CDK4: variants seen among roughly 807,000 people sequenced by gnomAD.
The protein encoded by CDK4 is cyclin dependent kinase 4.
Under a neutral mutation model 36.7 loss-of-function variants are expected in CDK4, and 13 were observed. That is an observed-to-expected ratio of 0.35 (90% CI 0.23 to 0.56). The LOEUF (loss-of-function observed/expected upper bound fraction) is 0.56. Ranked by LOEUF, CDK4 falls within the 20% of genes least tolerant of loss-of-function variation. The probability of loss-of-function intolerance (pLI) is 0.85; values close to 1 mark genes in which losing one functional copy is unlikely to be tolerated. For missense variants in CDK4, 285 were observed against 387.3 expected, an observed-to-expected ratio of 0.74 and a Z score of 2.22; for synonymous variants, 158 against 146.4, an observed-to-expected ratio of 1.08 and a Z score of -0.57.
Position 57,748,625 on chromosome 12 carries a change from G to A in CDK4, c.820-8C>T. 1 of 1,601,908 alleles carries A rather than the reference G, an allele frequency of 6.2e-7. No individual in the cohort carries two copies. The highest frequency in any genetic ancestry group is 2.2e-5 in the East Asian group (1 of 44,828). On this transcript the variant is annotated splice_polypyrimidine_tract_variant and splice_region_variant and intron_variant, in intron 7 of 7. Transcript: ENST00000257904. Reference sequence around the variant, plus strand: ...GTTAAAAGTCAGCATTTCCTGAGGGGAGAGGCAAAGGTCAGAAAACCATGA... The same window carrying A: ...GTTAAAAGTCAGCATTTCCTGAGGGAAGAGGCAAAGGTCAGAAAACCATGA...
Position 57,751,044 on chromosome 12 carries a change from T to C in CDK4, c.401A>G (p.Asn134Ser), listed in dbSNP as rs1595110530. The change falls in exon 4 of 8, where the codon AAT becomes AGT. Residue 134 changes from asparagine (N) to serine (S), a missense_variant. Physicochemically the swap from Asn to Ser is conservative, Grantham distance 46 (BLOSUM62 1). Coordinates refer to ENST00000257904, the MANE Select transcript of CDK4 (RefSeq NM_000075.4). This position sits in a 1 kb window ranked among gnomAD's most constrained non-coding sequence, Gnocchi z 4.5. ...FLRGLDFLHA[N>S]CIVHRDLKPE... ...CTTCAGATCTCGGTGAACGATGCAATTGGCATGAAGGAAATCTAGGCCTCT... is the reference window on the plus strand; with the variant it reads ...CTTCAGATCTCGGTGAACGATGCAACTGGCATGAAGGAAATCTAGGCCTCT... 6.2e-7 allele frequency: 1 copy of C among 1,614,094 alleles called. No individual in the cohort carries two copies. The highest frequency in any genetic ancestry group is 1.7e-5 in the Admixed American group (1 of 60,012).
intron 5 of CDK4, 147 bp downstream of exon 5, chr12:57,750,509 G>C (rs936559623): frequency 1.9e-5 from 14 of 718,840 alleles, no homozygotes; most frequent in Non-Finnish European, 3.6e-5. Flanking sequence ...TGAAGCTGCA[G>C]TGAGCTGTGA....
In CDK4 at chr12:57,750,882, C is replaced by T. The variant is rs2069502; in HGVS notation, c.522+41G>A. ...ATTGCTACGGGCAATCACTCTCCTA[C>T]TCCCAACCAGAACCCATTTTGGTAC... is the stretch of plus-strand genomic sequence containing the variant. On this transcript the variant is annotated intron_variant, in intron 4 of 7. Coordinates refer to ENST00000257904, the MANE Select transcript of CDK4 (RefSeq NM_000075.4). 533,075 of 1,611,988 alleles carry T rather than the reference C, an allele frequency of 0.33. 95,898 individuals carry two copies. The highest frequency in any genetic ancestry group is 0.7 in the East Asian group (31,228 of 44,866).
In CDK4 at chr12:57,748,219, A is replaced by AT. The variant is rs1955182063; in HGVS notation, c.*305dup. On this transcript the variant is annotated 3_prime_UTR_variant, in exon 8 of 8. Coordinates refer to ENST00000257904, the MANE Select transcript of CDK4 (RefSeq NM_000075.4). ...GGCAAAGCCAAACAGAGGAAGAAAC[A>AT]TTAAAAAAAAAAAAAAGACCATTAT... 1 of 386,970 alleles carries AT rather than the reference A, an allele frequency of 2.6e-6. No homozygotes were observed. Among genetic ancestry groups the AT allele is most frequent in the Non-Finnish European group, 4.8e-6 (1 of 210,074 alleles). 24.0% of individuals were successfully genotyped at this position (386,970 alleles called of 1,614,324 possible). A position where few individuals can be genotyped will look rare whatever the true frequency, so the allele number is the denominator to read the frequency against.
rs745772539 is a variant in CDK4 at position 57,750,745 on chromosome 12, T to G, written c.543A>C (p.Arg181=). The stretch of plus-strand genomic sequence containing the variant: ...TGGACTGCAGAAGAACTTCGGGAGC[T>G]CGGTACCAGAGTGTAACAACCTAAA... ...LTPVVVTLWY[R]APEVLLQSTY... is the part of the protein sequence containing the mutation. The change falls in exon 5 of 8, where the codon CGA becomes CGC. Residue 181 remains arginine (R), a synonymous_variant. Transcript: ENST00000257904. 7 of 1,614,022 alleles carry G rather than the reference T, an allele frequency of 4.3e-6. No individual in the cohort carries two copies. The highest frequency in any genetic ancestry group is 3.3e-4 in the Middle Eastern group (2 of 6,062).
chr12:57,751,345 G>T lies in CDK4; in HGVS notation c.219-3C>A. Reference sequence around the variant, plus strand: ...ATGTGGCACAGACGTCCATCAGCCTGACCAGAGTAAATGCTCACTTTTCAA... The same window carrying T: ...ATGTGGCACAGACGTCCATCAGCCTTACCAGAGTAAATGCTCACTTTTCAA... On this transcript the variant is annotated splice_polypyrimidine_tract_variant and splice_region_variant and intron_variant, in intron 2 of 7. Transcript: ENST00000257904. This position sits in a 1 kb window ranked among gnomAD's most constrained non-coding sequence, Gnocchi z 4.5. 6.2e-7 allele frequency: 1 copy of T among 1,613,948 alleles called. No individual in the cohort carries two copies. Among genetic ancestry groups the T allele is most frequent in the South Asian group, 1.1e-5 (1 of 91,040 alleles).
Position 57,748,632 on chromosome 12 carries a change from A to C in CDK4, c.820-15T>G, listed in dbSNP as rs1955188582. ...GTCAGCATTTCCTGAGGGGAGAGGC[A>C]AAGGTCAGAAAACCATGAAGAAAAC... On this transcript the variant is annotated splice_polypyrimidine_tract_variant and intron_variant, in intron 7 of 7. Coordinates refer to ENST00000257904, the MANE Select transcript of CDK4 (RefSeq NM_000075.4). 1.3e-6 allele frequency: 2 copies of C among 1,573,852 alleles called. No homozygotes were observed. Among genetic ancestry groups the C allele is most frequent in the Non-Finnish European group, 1.7e-6 (2 of 1,143,340 alleles).
intron 7 of CDK4, 44 bp downstream of exon 7, chr12:57,749,138 C>T (rs767251242): frequency 1.2e-6 from 2 of 1,613,172 alleles, no homozygotes; most frequent in Admixed American, 3.3e-5. Context: ...ATTTCTTTCC[C>T]CAGTCTCTAT....
At chr12:57,748,695 TTTC>T (rs768066271) in intron 7 of CDK4, 78 bp from the exon 8 acceptor site, 4 of 937,508 alleles carry the variant, frequency 4.3e-6, no homozygotes, top group Non-Finnish European at 6.8e-6. Context: ...TGGGATGAGC[TTTC>T]TTCTTTTTTC....
chr12:57,751,846 T>G lies in CDK4; in HGVS notation c.-19-110A>C. On this transcript the variant is annotated intron_variant, in intron 1 of 7. Coordinates refer to ENST00000257904, the MANE Select transcript of CDK4 (RefSeq NM_000075.4). The surrounding 1 kb of genome is among the most constrained non-coding windows in gnomAD (Gnocchi z 4.5). The stretch of plus-strand genomic sequence containing the variant: ...AAAAGCGCAAAGAACACCACCAGCA[T>G]CCCATCCCCCGCTCCCAGTCTTCCT... 1.3e-6 allele frequency: 1 copy of G among 750,050 alleles called. No homozygotes were observed. The highest frequency in any genetic ancestry group is 2.3e-6 in the Non-Finnish European group (1 of 437,696). 46.5% of individuals were successfully genotyped at this position (750,050 alleles called of 1,614,324 possible).
chr12:57,750,637 G>A lies in CDK4; in HGVS notation c.632+19C>T, dbSNP rs1027122710. On this transcript the variant is annotated intron_variant, in intron 5 of 7. Transcript: ENST00000257904. Reference sequence around the variant, plus strand: ...GATTTGGGGAATTCAAGGTAGTCCAGGGTATGTGGGTCCCATACTTTCGAC... The same window carrying A: ...GATTTGGGGAATTCAAGGTAGTCCAAGGTATGTGGGTCCCATACTTTCGAC... 1 of 1,501,788 alleles carries A rather than the reference G, an allele frequency of 6.7e-7. No individual in the cohort carries two copies. Among genetic ancestry groups the A allele is most frequent in the East Asian group, 2.3e-5 (1 of 44,340 alleles). The allele number at this position is 1,501,788 out of a possible 1,614,324, so 93.0% of individuals were successfully genotyped here. A position where few individuals can be genotyped will look rare whatever the true frequency, so the allele number is the denominator to read the frequency against.
Position 57,748,359 on chromosome 12 carries a change from C to G in CDK4, c.*166G>C. 1.4e-6 allele frequency: 1 copy of G among 709,918 alleles called. No homozygotes were observed. The highest frequency in any genetic ancestry group is 2.6e-6 in the Non-Finnish European group (1 of 385,066). 44.0% of individuals were successfully genotyped at this position (709,918 alleles called of 1,614,324 possible). ...AAATGGGAAGGAGAAGGAGAAGCCT[C>G]AAAAGGAGAGGTGGGAGGGGAATGT... On this transcript the variant is annotated 3_prime_UTR_variant, in exon 8 of 8. Coordinates refer to ENST00000257904, the MANE Select transcript of CDK4 (RefSeq NM_000075.4).
At position 57,749,249 on chromosome 12, in the gene CDK4, G is replaced by T. The variant is rs143670820; in HGVS notation, c.752C>A (p.Pro251His). ...CGACTGCACTGGGCGGGGCCCTCTG[G>T]GGGGAAAGGCTCCACGGGGCAGGGA... The part of the protein sequence containing the change: ...DVSLPRGAFP[P>H]RGPRPVQSVV... The change falls in exon 7 of 8, where the codon CCC (proline) becomes CAC (histidine). Residue 251 changes from proline (P) to histidine (H), a missense_variant. Transcript: ENST00000257904. 1.1e-5 allele frequency: 17 copies of T among 1,613,988 alleles called. No individual in the cohort carries two copies. In the African/African-American group the frequency reaches 2.1e-4, roughly 20 times the overall value.
chr12:57,748,402 A>C lies in CDK4; in HGVS notation c.*123T>G. On this transcript the variant is annotated 3_prime_UTR_variant, in exon 8 of 8. Coordinates refer to ENST00000257904, the MANE Select transcript of CDK4 (RefSeq NM_000075.4). ...GGGAATGTCATTAAGGCAGCAAAGT[A>C]ATCTCTGTAGAAAGATGGAGGAGGA... 1 of 784,762 alleles carries C rather than the reference A, an allele frequency of 1.3e-6. No homozygotes were observed. Among genetic ancestry groups the C allele is most frequent in the Non-Finnish European group, 2.3e-6 (1 of 433,270 alleles). The allele number at this position is 784,762 out of a possible 1,614,324, so 48.6% of individuals were successfully genotyped here. A position where few individuals can be genotyped will look rare whatever the true frequency, so the allele number is the denominator to read the frequency against.
chr12:57,750,620 G>T, intron 5 of CDK4, 36 bp downstream of exon 5: 1 of 1,389,830 alleles, frequency 7.2e-7, no homozygotes, highest in Non-Finnish European at 1.0e-6. Context: ...GCGATTTGGG[G>T]AATTCAAGGT....
rs2140385880 is a variant in CDK4 at position 57,750,757 on chromosome 12, T to C, written c.531A>G (p.Thr177=). 6.2e-7 allele frequency: 1 copy of C among 1,613,418 alleles called. No individual in the cohort carries two copies. The highest frequency in any genetic ancestry group is 1.7e-4 in the Middle Eastern group (1 of 6,060). The stretch of plus-strand genomic sequence containing the variant: ...GAACTTCGGGAGCTCGGTACCAGAG[T>C]GTAACAACCTAAAGGGAATAGGAAG... ...YQMALTPVVV[T]LWYRAPEVLL... Residue 177 remains threonine, a synonymous_variant, in exon 5 of 8, where the codon ACA becomes ACG. Coordinates refer to ENST00000257904, the MANE Select transcript of CDK4 (RefSeq NM_000075.4).
At position 57,748,363 on chromosome 12, in the gene CDK4, AG is replaced by A; in HGVS notation, c.*161del. On this transcript the variant is annotated 3_prime_UTR_variant, in exon 8 of 8. Transcript: ENST00000257904. Reference sequence around the variant, plus strand: ...GGGAAGGAGAAGGAGAAGCCTCAAAAGGAGAGGTGGGAGGGGAATGTCATTA... The same window carrying A: ...GGGAAGGAGAAGGAGAAGCCTCAAAAGAGAGGTGGGAGGGGAATGTCATTA... 1.4e-6 allele frequency: 1 copy of A among 714,944 alleles called. No individual in the cohort carries two copies. Among genetic ancestry groups the A allele is most frequent in the South Asian group, 1.4e-5 (1 of 69,954 alleles). The allele number at this position is 714,944 out of a possible 1,614,324, so 44.3% of individuals were successfully genotyped here.
At position 57,747,855 on chromosome 12, in the gene CDK4, G is replaced by T; in HGVS notation, c.*670C>A. The T allele has an allele frequency of 5.7e-6, 1 of 174,542 alleles. No homozygotes were observed. The highest frequency in any genetic ancestry group is 1.1e-4 in the East Asian group (1 of 9,160). 10.8% of individuals were successfully genotyped at this position (174,542 alleles called of 1,614,324 possible). A position where few individuals can be genotyped will look rare whatever the true frequency, so the allele number is the denominator to read the frequency against. On this transcript the variant is annotated 3_prime_UTR_variant, in exon 8 of 8. Transcript: ENST00000257904. ...CCTCCCGGGTTCAAGCGATCCTCCT[G>T]CCTCAGTCTCCCAAGTAGCTGGGAT...
At position 57,751,179 on chromosome 12, in the gene CDK4, C is replaced by T; in HGVS notation, c.354+28G>A. On this transcript the variant is annotated intron_variant, in intron 3 of 7. Transcript: ENST00000257904. This position sits in a 1 kb window ranked among gnomAD's most constrained non-coding sequence, Gnocchi z 4.5. ...GTTCTACTACAAAGGTCCCAATCCACCTCTCAATGCCTACCAACCCCACTC... is the reference window on the plus strand; with the variant it reads ...GTTCTACTACAAAGGTCCCAATCCATCTCTCAATGCCTACCAACCCCACTC... 4 of 1,614,194 alleles carry T rather than the reference C, an allele frequency of 2.5e-6. No individual in the cohort carries two copies. The highest frequency in any genetic ancestry group is 3.4e-6 in the Non-Finnish European group (4 of 1,180,032).
Sources: gnomAD v4.1 joint callset for allele counts on GRCh38, gnomAD v4.1.1 for gene constraint, Gnocchi (gnomAD v3.1) non-coding constraint, MANE v1.5 for transcripts, NCBI Gene and HGNC (gene_info 2026-07-23, HGNC 2026-07-21) for gene names.